Variants in SCGN observed in about 807,000 individuals in gnomAD.
SCGN encodes secretagogin, EF-hand calcium binding protein.
In SCGN, 30 loss-of-function variants were observed where a neutral mutation model predicts 39.7. That is an observed-to-expected ratio of 0.76 (90% CI 0.57 to 1.03). SCGN has a LOEUF of 1.03. Ranked by LOEUF, SCGN falls within the 50% of genes least tolerant of loss-of-function variation. The pLI is 0.00. For missense variants in SCGN, 353 were observed against 349.4 expected (o/e 1.01, Z -0.08); for synonymous variants, 106 against 114.1 (o/e 0.93, Z 0.45).
At position 25,652,253 on chromosome 6, in the gene SCGN, G is replaced by A. The variant is rs780161527; in HGVS notation, c.-151G>A. On this transcript the variant is annotated 5_prime_UTR_variant, in exon 1 of 11. Transcript: ENST00000377961. ...GGACGGCTCAGCGACGCCACGGCCA[G>A]CAGCGCTCGCGTCCTCCCCAGCAAC... 6.1e-6 allele frequency: 4 copies of A among 652,820 alleles called. No individual in the cohort carries two copies. Among genetic ancestry groups the A allele is most frequent in the South Asian group, 1.8e-5 (1 of 54,232 alleles). 40.4% of individuals were successfully genotyped at this position (652,820 alleles called of 1,614,324 possible). A position where few individuals can be genotyped will look rare whatever the true frequency, so the allele number is the denominator to read the frequency against.
At chr6:25,673,575 G>C (rs1466404929) in intron 6 of SCGN, among the ~76,000 whole-genome samples, 1 of 152,204 alleles carries the variant, frequency 6.6e-6, no homozygotes, top group African/African-American at 2.4e-5. Flanking sequence ...AAATCAGAGT[G>C]ATCTCACCCA....
At chr6:25,699,847 C>A (rs945910461) in intron 10 of SCGN, among the ~76,000 whole-genome samples, 4 of 151,998 alleles carry the variant, frequency 2.6e-5, no homozygotes, top group Non-Finnish European at 2.9e-5. Flanking sequence ...TTGGTTGGTT[C>A]GGGTGAGCTC....
At chr6:25,695,016 GTTTGCAGTAAT>G (rs1561770782) in intron 10 of SCGN, among the ~76,000 whole-genome samples, 1 of 152,162 alleles carries the variant, frequency 6.6e-6, no homozygotes, top group African/African-American at 2.4e-5. Context: ...GGTTTTTGGT[GTTTGCAGTAAT>G]AACTCTGAAG....
chr6:25,689,164 C>G lies in SCGN; in HGVS notation c.528-8C>G. The G allele has an allele frequency of 6.9e-7, 1 of 1,446,448 alleles. No individual in the cohort carries two copies. The highest frequency in any genetic ancestry group is 9.3e-7 in the Non-Finnish European group (1 of 1,072,420). The allele number at this position is 1,446,448 out of a possible 1,614,324, so 89.6% of individuals were successfully genotyped here. On this transcript the variant is annotated splice_region_variant and splice_polypyrimidine_tract_variant and intron_variant, in intron 7 of 10. Transcript: ENST00000377961. Reference sequence around the variant, plus strand: ...TCCTTACGTGGATTTTTTTTTTTTTCTATTTAGGATTCTGGCTCTTCAGGA... The same window carrying G: ...TCCTTACGTGGATTTTTTTTTTTTTGTATTTAGGATTCTGGCTCTTCAGGA...
intron 7 of SCGN, 91 bp downstream of exon 7, chr6:25,682,097 A>C (rs916668319): frequency 8.4e-6 from 8 of 947,948 alleles, no homozygotes; most frequent in African/African-American, 3.2e-5. Flanking sequence ...CTGGAGATCA[A>C]GCCTCACCTG....
intron 6 of SCGN, among the ~76,000 whole-genome samples, chr6:25,673,791 T>C (rs1228215967): frequency 6.6e-6 from 1 of 152,198 alleles, no homozygotes; most frequent in Non-Finnish European, 1.5e-5. Context: ...CTTGTGTTAC[T>C]ATAAAGAAAT....
At chr6:25,669,320 T>G (rs1759459079) in intron 4 of SCGN, among the ~76,000 whole-genome samples, 191 bp from the exon 5 acceptor site, 1 of 152,114 alleles carries the variant, frequency 6.6e-6, no homozygotes, top group African/African-American at 2.4e-5. Context: ...TGGCTCCAAG[T>G]GAATGCAGTG....
chr6:25,660,659 C>A (rs138948190), intron 2 of SCGN, among the ~76,000 whole-genome samples: 1 of 152,340 alleles, frequency 6.6e-6, no homozygotes. Flanking sequence ...AGAGAACTGT[C>A]CTGTACACAT....
At chr6:25,690,941 C>A in intron 9 of SCGN, 115 bp from the exon 10 acceptor site, 1 of 716,576 alleles carries the variant, frequency 1.4e-6, no homozygotes, top group Non-Finnish European at 2.4e-6. Flanking sequence ...CATGCCACTT[C>A]TAAATCTATT....
At chr6:25,672,408 G>A (rs1759512079) in intron 6 of SCGN, among the ~76,000 whole-genome samples, 2 of 152,154 alleles carry the variant, frequency 1.3e-5, no homozygotes, top group African/African-American at 4.8e-5. Context: ...GTGGAGTTGG[G>A]CCAGGAATGG....
chr6:25,659,314 T>A (rs1234614389), intron 2 of SCGN, among the ~76,000 whole-genome samples: 1 of 152,218 alleles, frequency 6.6e-6, no homozygotes, highest in Non-Finnish European at 1.5e-5. Flanking sequence ...AACCATCTAA[T>A]TTATTAACGA....
At chr6:25,697,802 AG>A (rs1759857309) in intron 10 of SCGN, among the ~76,000 whole-genome samples, 1 of 152,214 alleles carries the variant, frequency 6.6e-6, no homozygotes, top group Non-Finnish European at 1.5e-5. Context: ...AAGAGGAAAA[AG>A]TTACATTTTT....
At chr6:25,659,672 A>G (rs147821459) in intron 2 of SCGN, among the ~76,000 whole-genome samples, 124 of 152,326 alleles carry the variant, frequency 8.1e-4, no homozygotes, top group African/African-American at 2.8e-3. Flanking sequence ...TTCATATGTT[A>G]AGATCTGGAA....
At chr6:25,681,880 G>GAA in intron 6 of SCGN, 71 bp from the exon 7 acceptor site, 1 of 1,340,222 alleles carries the variant, frequency 7.5e-7, no homozygotes, top group Non-Finnish European at 1.1e-6. Context: ...GAGCAAAATA[G>GAA]AAAAGTGCTT....
chr6:25,689,150 A>ATTTTTTTTTTTTTTTTT, intron 7 of SCGN, 22 bp from the exon 8 acceptor site: 2 of 1,271,532 alleles, frequency 1.6e-6, no homozygotes, highest in East Asian at 2.8e-5. Context: ...CCTTACGTGG[A>ATTTTTTTTTTTTTTTTT]TTTTTTTTTT....
chr6:25,659,093 T>C (rs991990985), intron 2 of SCGN, among the ~76,000 whole-genome samples: 5 of 152,226 alleles, frequency 3.3e-5, no homozygotes, highest in African/African-American at 1.2e-4. Flanking sequence ...ATGACAATTA[T>C]CAGGGGCTGA....
chr6:25,676,717 TA>T (rs1487209082), intron 6 of SCGN, among the ~76,000 whole-genome samples: 1 of 152,232 alleles, frequency 6.6e-6, no homozygotes, highest in East Asian at 1.9e-4. Context: ...GTAACATGTA[TA>T]TTTCATGTTA....
chr6:25,699,606 AAAAAG>A (rs1759882692), intron 10 of SCGN, among the ~76,000 whole-genome samples: 1 of 151,552 alleles, frequency 6.6e-6, no homozygotes, highest in East Asian at 1.9e-4. Context: ...AAAAAAAAAA[AAAAAG>A]AAAAGAAAAT....
chr6:25,692,125 G>A (rs1426944642), intron 10 of SCGN, among the ~76,000 whole-genome samples: 1 of 152,184 alleles, frequency 6.6e-6, no homozygotes, highest in African/African-American at 2.4e-5. Flanking sequence ...TCCTGTTGGA[G>A]ATTTCACGGG....
Sources: allele counts gnomAD v4.1 joint callset (sites outside exome capture counted in the v4.1 genomes callset), GRCh38; gene constraint gnomAD v4.1.1; transcripts MANE v1.5; gene names NCBI Gene and HGNC (gene_info 2026-07-23, HGNC 2026-07-21).